The following CPSF4 variants were observed in gnomAD, a reference collection of about 807,000 sequenced individuals.
CPSF4 encodes cleavage and polyadenylation specific factor 4, also known as cleavage and polyadenylation specificity factor subunit 4.
In CPSF4, 11 loss-of-function variants were observed where a neutral mutation model predicts 37.7. The observed-to-expected ratio is 0.29, with a 90% CI of 0.18 to 0.48. The LOEUF (loss-of-function observed/expected upper bound fraction) is 0.48. CPSF4 is among the 20% of genes least tolerant of loss of function. The pLI is 0.99. For synonymous variants in CPSF4, 132 were observed against 135.9 expected (o/e 0.97, Z 0.20); for missense variants, 144 against 359.5 (o/e 0.40, Z 4.85).
rs1421923386 is a variant in CPSF4 at position 99,453,282 on chromosome 7, G to C, written c.571-684G>C. Reference sequence around the variant, plus strand: ...GCCCCACCAGCCCCGCTCAGTGCTAGAGGCTGAACAGCCAGGAGAGGATGC... The same window carrying C: ...GCCCCACCAGCCCCGCTCAGTGCTACAGGCTGAACAGCCAGGAGAGGATGC... On this transcript the variant is annotated intron_variant, in intron 6 of 7. Transcript: ENST00000292476. The surrounding 1 kb of genome is among the most constrained non-coding windows in gnomAD (Gnocchi z 4.7). 6.6e-6 allele frequency: 1 copy of C among 152,648 alleles called. No homozygotes were observed. The highest frequency in any genetic ancestry group is 2.4e-5 in the African/African-American group (1 of 41,480). 9.5% of individuals were successfully genotyped at this position (152,648 alleles called of 1,614,324 possible). A position where few individuals can be genotyped will look rare whatever the true frequency, so the allele number is the denominator to read the frequency against.
In CPSF4 at chr7:99,453,865, CCGTTTG is replaced by C; in HGVS notation, c.571-98_571-93del. On this transcript the variant is annotated intron_variant, in intron 6 of 7. Coordinates refer to ENST00000292476, the MANE Select transcript of CPSF4 (RefSeq NM_006693.4). This position sits in a 1 kb window ranked among gnomAD's most constrained non-coding sequence, Gnocchi z 4.7. ...GCCGTCGTGGAAGCCCTGCTTCCTG[CCGTTTG>C]CGGGACGAGTCCCGCCCTCTTTTTT... 1 of 1,128,390 alleles carries C rather than the reference CCGTTTG, an allele frequency of 8.9e-7. No homozygotes were observed. The highest frequency in any genetic ancestry group is 1.5e-5 in the South Asian group (1 of 68,294). 69.9% of individuals were successfully genotyped at this position (1,128,390 alleles called of 1,614,324 possible). A position where few individuals can be genotyped will look rare whatever the true frequency, so the allele number is the denominator to read the frequency against.
At chr7:99,440,743 T>G (rs1408255586) in intron 1 of CPSF4, among the ~76,000 whole-genome samples, 1 of 146,558 alleles carries the variant, frequency 6.8e-6, no homozygotes, top group East Asian at 2.0e-4. Context: ...CAAGATAGTT[T>G]CATTGGAAAT....
chr7:99,440,668 A>ATTTT (rs1263161658), intron 1 of CPSF4, among the ~76,000 whole-genome samples: 3 of 84,824 alleles, frequency 3.5e-5, no homozygotes, highest in Non-Finnish European at 5.7e-5. Flanking sequence ...ATATATATAT[A>ATTTT]TATATATTTT....
At position 99,448,313 on chromosome 7, in the gene CPSF4, G is replaced by A. The variant is rs928518034; in HGVS notation, c.307+40G>A. ...GCCCTGGAGGCTCTGCTGAGAACCA[G>A]GGTGCAGAGGGGTCCGCTGGCTGCT... is the stretch of plus-strand genomic sequence containing the variant. On this transcript the variant is annotated intron_variant, in intron 3 of 7. Coordinates refer to ENST00000292476, the MANE Select transcript of CPSF4 (RefSeq NM_006693.4). The surrounding 1 kb of genome is among the most constrained non-coding windows in gnomAD (Gnocchi z 4.4). The A allele has an allele frequency of 3.1e-6, 5 of 1,605,752 alleles. 1 individual carries two copies. Among genetic ancestry groups the A allele is most frequent in the Non-Finnish European group, 4.3e-6 (5 of 1,175,722 alleles).
rs901512387 is a variant in CPSF4, at chr7:99,457,178, C to T, written c.*678C>T. On this transcript the variant is annotated 3_prime_UTR_variant, in exon 8 of 8. Coordinates refer to ENST00000292476, the MANE Select transcript of CPSF4 (RefSeq NM_006693.4). ...CAGACTTTTAAATAGATGACCCCTT[C>T]AGATCATCTGTGCCTACCTCCTGCC... The T allele has an allele frequency of 9.9e-5, 16 of 160,820 alleles. No homozygotes were observed. The highest frequency in any genetic ancestry group is 3.6e-4 in the African/African-American group (15 of 41,534). 10.0% of individuals were successfully genotyped at this position (160,820 alleles called of 1,614,324 possible). A position where few individuals can be genotyped will look rare whatever the true frequency, so the allele number is the denominator to read the frequency against.
In CPSF4 at chr7:99,453,221, C is replaced by T. The variant is rs1798058472; in HGVS notation, c.571-745C>T. 6.6e-6 allele frequency: 1 copy of T among 152,596 alleles called. No individual in the cohort carries two copies. Among genetic ancestry groups the T allele is most frequent in the South Asian group, 2.1e-4 (1 of 4,840 alleles). 9.5% of individuals were successfully genotyped at this position (152,596 alleles called of 1,614,324 possible). ...ACCACCTCCTGAGCCCAATGCCTCA[C>T]CTCCTACCCTGCTGGGCTCTGGACT... On this transcript the variant is annotated intron_variant, in intron 6 of 7. Transcript: ENST00000292476. The surrounding 1 kb of genome is among the most constrained non-coding windows in gnomAD (Gnocchi z 4.7).
intron 1 of CPSF4, among the ~76,000 whole-genome samples, chr7:99,440,683 T>A (rs1796892962): frequency 7.3e-6 from 1 of 136,908 alleles, no homozygotes; most frequent in African/African-American, 3.0e-5. Flanking sequence ...TATTTTTTTT[T>A]TTTTTTTTTT....
intron 2 of CPSF4, among the ~76,000 whole-genome samples, chr7:99,445,362 C>T (rs945481606): frequency 6.6e-6 from 1 of 151,828 alleles, no homozygotes; most frequent in Admixed American, 6.6e-5. Flanking sequence ...TGCAGTGAGC[C>T]GAGATCGTGC....
Position 99,456,831 on chromosome 7 carries a change from G to C in CPSF4, c.*331G>C, listed in dbSNP as rs553998110. ...GCTTGGCTAGGTAGTTCTGTGTGGC[G>C]GTGGTCATTCCCCTCATTAAACACC... is the stretch of plus-strand genomic sequence containing the variant. On this transcript the variant is annotated 3_prime_UTR_variant, in exon 8 of 8. Coordinates refer to ENST00000292476, the MANE Select transcript of CPSF4 (RefSeq NM_006693.4). 5.1e-5 allele frequency: 22 copies of C among 427,482 alleles called. No individual in the cohort carries two copies. Among genetic ancestry groups the C allele is most frequent in the African/African-American group, 4.4e-4 (22 of 49,506 alleles). The allele number at this position is 427,482 out of a possible 1,614,324, so 26.5% of individuals were successfully genotyped here. A position where few individuals can be genotyped will look rare whatever the true frequency, so the allele number is the denominator to read the frequency against.
chr7:99,452,681 G>A (rs766615089), intron 6 of CPSF4: 39 of 510,608 alleles, frequency 7.6e-5, no homozygotes, highest in African/African-American at 5.4e-4. Context: ...CAGTCCAGGC[G>A]CCGTGCAACT....
intron 1 of CPSF4, among the ~76,000 whole-genome samples, chr7:99,442,315 A>C (rs1797055267): frequency 6.6e-6 from 1 of 152,124 alleles, no homozygotes; most frequent in South Asian, 2.1e-4. Flanking sequence ...CGACTGTGGG[A>C]ATGAAAGGCT....
At chr7:99,450,066 G>A (rs1797827108) in intron 3 of CPSF4, among the ~76,000 whole-genome samples, 1 of 152,168 alleles carries the variant, frequency 6.6e-6, no homozygotes, top group Non-Finnish European at 1.5e-5. Context: ...TAGATGTGAA[G>A]AGCCAATCAG....
chr7:99,456,139 A>G (rs1397560872), intron 7 of CPSF4, among the ~76,000 whole-genome samples: 2 of 152,242 alleles, frequency 1.3e-5, no homozygotes, highest in Middle Eastern at 3.4e-3. Flanking sequence ...TCCAGGTGGG[A>G]GAGTTGTGGG....
chr7:99,444,428 G>C (rs1175686397), intron 1 of CPSF4, among the ~76,000 whole-genome samples: 1 of 151,838 alleles, frequency 6.6e-6, no homozygotes, highest in Non-Finnish European at 1.5e-5. Context: ...TTGCACTCCA[G>C]CCCAGGCAAC....
In CPSF4 at chr7:99,456,831, G is replaced by A. The variant is rs553998110; in HGVS notation, c.*331G>A. Reference sequence around the variant, plus strand: ...GCTTGGCTAGGTAGTTCTGTGTGGCGGTGGTCATTCCCCTCATTAAACACC... The same window carrying A: ...GCTTGGCTAGGTAGTTCTGTGTGGCAGTGGTCATTCCCCTCATTAAACACC... On this transcript the variant is annotated 3_prime_UTR_variant, in exon 8 of 8. Coordinates refer to ENST00000292476, the MANE Select transcript of CPSF4 (RefSeq NM_006693.4). 6.8e-5 allele frequency: 29 copies of A among 427,364 alleles called. No individual in the cohort carries two copies. Among genetic ancestry groups the A allele is most frequent in the Middle Eastern group, 7.0e-4 (1 of 1,432 alleles). The allele number at this position is 427,364 out of a possible 1,614,324, so 26.5% of individuals were successfully genotyped here. A position where few individuals can be genotyped will look rare whatever the true frequency, so the allele number is the denominator to read the frequency against.
In CPSF4 at chr7:99,439,056, C is replaced by T. The variant is rs747285509; in HGVS notation, c.-27C>T. On this transcript the variant is annotated 5_prime_UTR_variant, in exon 1 of 8. Coordinates refer to ENST00000292476, the MANE Select transcript of CPSF4 (RefSeq NM_006693.4). ...AGGCTGCAGGAGACCGAGGGGGAGC[C>T]GGGCCGGTGGGGCCGCCGCCGCCGC... 7 of 1,592,548 alleles carry T rather than the reference C, an allele frequency of 4.4e-6. No homozygotes were observed. Among genetic ancestry groups the T allele is most frequent in the Admixed American group, 3.5e-5 (2 of 57,922 alleles).
chr7:99,454,346 T>G (rs1019979082), intron 7 of CPSF4, among the ~76,000 whole-genome samples: 1 of 152,142 alleles, frequency 6.6e-6, no homozygotes, highest in African/African-American at 2.4e-5. Context: ...CGGTAAAGGA[T>G]GGTGAGAACG....
chr7:99,446,366 C>T (rs1161103580), intron 2 of CPSF4, among the ~76,000 whole-genome samples: 5 of 152,206 alleles, frequency 3.3e-5, no homozygotes, highest in Non-Finnish European at 5.9e-5. Context: ...TTCTCAGACA[C>T]ACTAGTCATA....
intron 3 of CPSF4, among the ~76,000 whole-genome samples, chr7:99,450,020 GT>G (rs1797823725): frequency 6.6e-6 from 1 of 152,158 alleles, no homozygotes; most frequent in South Asian, 2.1e-4. Context: ...AGAGGGCCAG[GT>G]CCACAAGTGC....
Sources: gnomAD v4.1 joint callset for allele counts (sites outside exome capture counted in the v4.1 genomes callset) on GRCh38, gnomAD v4.1.1 for gene constraint, Gnocchi (gnomAD v3.1) non-coding constraint, MANE v1.5 for transcripts, NCBI Gene and HGNC (gene_info 2026-07-23, HGNC 2026-07-21) for gene names.